CDC42EP3: variants seen among roughly 807,000 people sequenced by gnomAD.
CDC42EP3 encodes the protein CDC42 effector protein 3.
Under a neutral mutation model 15.5 loss-of-function variants are expected in CDC42EP3, and 4 were observed. That is an observed-to-expected ratio of 0.26 (90% CI 0.13 to 0.59). The LOEUF (loss-of-function observed/expected upper bound fraction) is 0.59, where lower values mean the gene tolerates loss of function less well. CDC42EP3 is among the 20% of genes least tolerant of loss of function. The pLI is 0.89. For missense variants in CDC42EP3, 309 were observed against 311.2 expected (o/e 0.99, Z 0.05); for synonymous variants, 145 against 130.3 (o/e 1.11, Z -0.77).
intron 1 of CDC42EP3, among the ~76,000 whole-genome samples, chr2:37,655,652 G>A (rs1665824313): frequency 6.6e-6 from 1 of 152,170 alleles, no homozygotes; most frequent in African/African-American, 2.4e-5. Flanking sequence ...AAGCACCCAG[G>A]CAGGCACTCT....
chr2:37,658,125 G>A (rs11883935), intron 1 of CDC42EP3, among the ~76,000 whole-genome samples: 4,583 of 152,148 alleles, frequency 0.03, 116 homozygotes, highest in African/African-American at 0.07. Context: ...CAATTCCCCC[G>A]GCAATCACAT....
At chr2:37,654,382 G>T (rs1665783637) in intron 1 of CDC42EP3, among the ~76,000 whole-genome samples, 1 of 152,124 alleles carries the variant, frequency 6.6e-6, no homozygotes, top group South Asian at 2.1e-4. Flanking sequence ...CATAGAAAGA[G>T]AAAACTAATC....
upstream of CDC42EP3, chr2:37,672,533 G>A (rs141009936): frequency 2.0e-5 from 3 of 152,288 alleles, no homozygotes; most frequent in Non-Finnish European, 4.4e-5. Flanking sequence ...GCCACCGCCA[G>A]CGCCGCCGCC....
At chr2:37,659,015 T>G (rs547581666) in intron 1 of CDC42EP3, among the ~76,000 whole-genome samples, 1 of 152,334 alleles carries the variant, frequency 6.6e-6, no homozygotes, top group South Asian at 2.1e-4. Context: ...CCTGCCACAC[T>G]TGCAACTGAA....
chr2:37,671,871 C>T (rs1455145638), upstream of CDC42EP3: 1 of 151,622 alleles, frequency 6.6e-6, no homozygotes, highest in Non-Finnish European at 1.5e-5. Flanking sequence ...CCCATTGTTA[C>T]CTCCCCAGCG....
Position 37,646,029 on chromosome 2 carries a change from T to C in CDC42EP3, c.559A>G (p.Ser187Gly). ...TGTTCGGACAGGCTGGAGGAGTGGC[T>C]GTCTCTGCCTTGGCTGGACTGAGAT... is the stretch of plus-strand genomic sequence containing the variant. Reference protein sequence around the residue: ...SASQSSQGRDSHSSSLSEQYP... With the variant: ...SASQSSQGRDGHSSSLSEQYP... The change falls in exon 2 of 2, where the codon AGC becomes GGC. Residue 187 changes from serine (S) to glycine (G), a missense_variant. Physicochemically the swap from Ser to Gly is moderately conservative, Grantham distance 56. Coordinates refer to ENST00000295324, the MANE Select transcript of CDC42EP3 (RefSeq NM_006449.5). The C allele has an allele frequency of 6.2e-7, 1 of 1,614,048 alleles. No individual in the cohort carries two copies. The highest frequency in any genetic ancestry group is 8.5e-7 in the Non-Finnish European group (1 of 1,179,952).
chr2:37,660,294 C>T (rs1271283633), intron 1 of CDC42EP3, among the ~76,000 whole-genome samples: 3 of 152,228 alleles, frequency 2.0e-5, no homozygotes, highest in South Asian at 2.1e-4. Context: ...ACAGTCTCCA[C>T]AGTTGGAAGG....
chr2:37,672,709 T>A (rs536041989), upstream of CDC42EP3, among the ~76,000 whole-genome samples: 36 of 152,292 alleles, frequency 2.4e-4, no homozygotes, highest in African/African-American at 7.2e-4. Flanking sequence ...CCAGCCCGCA[T>A]GGTCAGCCAG....
At chr2:37,664,172 T>TCAAAACAAAA (rs570024068) in intron 1 of CDC42EP3, among the ~76,000 whole-genome samples, 4 of 151,960 alleles carry the variant, frequency 2.6e-5, no homozygotes, top group Non-Finnish European at 5.9e-5. Flanking sequence ...AGACTCCATC[T>TCAAAACAAAA]CAAAACAAAA....
rs540820700 is a variant in CDC42EP3, at chr2:37,643,393, C to G, written c.*2430G>C. ...GTAGCTTTGTTTCCTCTTTCTAATA[C>G]GGGCATATTTATTGCCATCTCAATT... is the stretch of plus-strand genomic sequence containing the variant. On this transcript the variant is annotated 3_prime_UTR_variant, in exon 2 of 2. Coordinates refer to ENST00000295324, the MANE Select transcript of CDC42EP3 (RefSeq NM_006449.5). The G allele has an allele frequency of 6.6e-6, 1 of 152,136 alleles. No individual in the cohort carries two copies. Among genetic ancestry groups the G allele is most frequent in the African/African-American group, 2.4e-5 (1 of 41,404 alleles). The allele number at this position is 152,136 out of a possible 1,614,324, so 9.4% of individuals were successfully genotyped here.
chr2:37,642,812 C>T lies in CDC42EP3; in HGVS notation c.*3011G>A, dbSNP rs532546882. Reference sequence around the variant, plus strand: ...AATATAGAAGGACTAAACTGTGATTCTGGAGACCCGGGTTTCTCTTTGCTG... The same window carrying T: ...AATATAGAAGGACTAAACTGTGATTTTGGAGACCCGGGTTTCTCTTTGCTG... On this transcript the variant is annotated 3_prime_UTR_variant, in exon 2 of 2. Transcript: ENST00000295324. The T allele has an allele frequency of 2.6e-5, 4 of 152,280 alleles. No individual in the cohort carries two copies. The highest frequency in any genetic ancestry group is 9.6e-5 in the African/African-American group (4 of 41,572). 9.4% of individuals were successfully genotyped at this position (152,280 alleles called of 1,614,324 possible). A position where few individuals can be genotyped will look rare whatever the true frequency, so the allele number is the denominator to read the frequency against.
chr2:37,658,410 T>C (rs11889746), intron 1 of CDC42EP3, among the ~76,000 whole-genome samples: 3,636 of 152,264 alleles, frequency 0.024, 108 homozygotes, highest in African/African-American at 0.068. Context: ...TTGTGCACAG[T>C]AGTATTGTAC....
intron 1 of CDC42EP3, among the ~76,000 whole-genome samples, chr2:37,649,382 G>T (rs1440061858): frequency 7.6e-6 from 1 of 131,812 alleles, no homozygotes; most frequent in Non-Finnish European, 1.6e-5. Flanking sequence ...TTGAGCCCAG[G>T]AATTCAAGGC....
chr2:37,657,456 CA>C (rs1420274295), intron 1 of CDC42EP3, among the ~76,000 whole-genome samples: 2 of 152,146 alleles, frequency 1.3e-5, no homozygotes, highest in Admixed American at 1.3e-4. Context: ...ATAAAGTAAG[CA>C]AAAGGGCTAT....
In CDC42EP3 at chr2:37,642,779, C is replaced by T. The variant is rs1665309495; in HGVS notation, c.*3044G>A. On this transcript the variant is annotated 3_prime_UTR_variant, in exon 2 of 2. Coordinates refer to ENST00000295324, the MANE Select transcript of CDC42EP3 (RefSeq NM_006449.5). ...GGGAGCCTTCAGAAAAAACAGGTCA[C>T]TTGCAGTAATATAGAAGGACTAAAC... 1 of 152,174 alleles carries T rather than the reference C, an allele frequency of 6.6e-6. No individual in the cohort carries two copies. The highest frequency in any genetic ancestry group is 1.5e-5 in the Non-Finnish European group (1 of 68,040). 9.4% of individuals were successfully genotyped at this position (152,174 alleles called of 1,614,324 possible).
intron 1 of CDC42EP3, among the ~76,000 whole-genome samples, chr2:37,661,124 TGTGTGC>T (rs925468097): frequency 3.5e-5 from 5 of 141,850 alleles, no homozygotes; most frequent in Non-Finnish European, 6.3e-5. Flanking sequence ...TGTGTGTGTG[TGTGTGC>T]GTGTGTGTAT....
upstream of CDC42EP3, chr2:37,672,527 C>T (rs577569471): frequency 6.6e-6 from 1 of 152,386 alleles, no homozygotes; most frequent in South Asian, 2.1e-4. Context: ...CACCCGGCCA[C>T]CGCCAGCGCC....
At chr2:37,668,972 G>A (rs914232769) in intron 1 of CDC42EP3, among the ~76,000 whole-genome samples, 6 of 152,080 alleles carry the variant, frequency 3.9e-5, no homozygotes, top group African/African-American at 1.4e-4. Context: ...TTGTTCTCTG[G>A]CAAACATACT....
At position 37,645,299 on chromosome 2, in the gene CDC42EP3, A is replaced by G. The variant is rs1367440248; in HGVS notation, c.*524T>C. ...ATATATAGGGATATATAAGAACTAC[A>G]AGAAAATCCCCAAAACCCATAAAGT... On this transcript the variant is annotated 3_prime_UTR_variant, in exon 2 of 2. Transcript: ENST00000295324. 3 of 152,734 alleles carry G rather than the reference A, an allele frequency of 2.0e-5. No homozygotes were observed. The highest frequency in any genetic ancestry group is 4.4e-5 in the Non-Finnish European group (3 of 68,090). The allele number at this position is 152,734 out of a possible 1,614,324, so 9.5% of individuals were successfully genotyped here.
Sources: gnomAD v4.1 joint callset for allele counts (sites outside exome capture counted in the v4.1 genomes callset) on GRCh38, gnomAD v4.1.1 for gene constraint, MANE v1.5 for transcripts, NCBI Gene and HGNC (gene_info 2026-07-23, HGNC 2026-07-21) for gene names.